The following GARNL3 variants were observed in gnomAD, a reference collection of about 807,000 sequenced individuals.
The protein encoded by GARNL3 is GTPase activating Rap/RanGAP domain like 3, also known as GTPase-activating Rap/Ran-GAP domain-like protein 3.
In GARNL3, 63 loss-of-function variants were observed where a neutral mutation model predicts 125.0. The ratio of observed to expected loss-of-function variants is 0.50; its 90% CI spans 0.41 to 0.62. The LOEUF is 0.62. Among genes scored for constraint, GARNL3 ranks in the 20% least tolerant of loss-of-function variants. The probability of loss-of-function intolerance (pLI) is 0.00; values close to 1 mark genes in which losing one functional copy is unlikely to be tolerated. For synonymous variants in GARNL3, 439 were observed against 457.5 expected (o/e 0.96, Z 0.52); for missense variants, 994 against 1,244.0 (o/e 0.80, Z 3.02).
chr9:127,337,689 G>A (rs1829628672), intron 11 of GARNL3, among the ~76,000 whole-genome samples: 1 of 152,202 alleles, frequency 6.6e-6, no homozygotes, highest in Admixed American at 6.5e-5. Context: ...AGGAGAGAAA[G>A]GGAAGGTATA....
At chr9:127,230,497 A>G (rs1163611903) in intron 1 of GARNL3, among the ~76,000 whole-genome samples, 2 of 152,058 alleles carry the variant, frequency 1.3e-5, no homozygotes, top group African/African-American at 4.8e-5. Context: ...TCTACTAAAA[A>G]TACAAAATTA....
upstream of GARNL3, among the ~76,000 whole-genome samples, chr9:127,261,678 G>T (rs2063595345): frequency 6.6e-6 from 1 of 152,162 alleles, no homozygotes. Context: ...CTCCCAAAGT[G>T]CTGGGATTAC....
At chr9:127,365,598 C>T (rs1380946332) in intron 22 of GARNL3, among the ~76,000 whole-genome samples, 1 of 152,158 alleles carries the variant, frequency 6.6e-6, no homozygotes, top group East Asian at 1.9e-4. Context: ...CTCCAGGATG[C>T]GCCAGTGATG....
In GARNL3 at chr9:127,383,458, G is replaced by C. The variant is rs769891379; in HGVS notation, c.2182G>C (p.Val728Leu). ...TGCAGACAGTTGCATCTATAAAAAG[G>C]TTTGCCCCTTTAATGGTGGCTCTTT... Reference protein sequence around the residue: ...CYNYSCIYKKVCPFNGGSFLV... With the variant: ...CYNYSCIYKKLCPFNGGSFLV... The change falls in exon 23 of 28, where the codon GTT becomes CTT. Residue 728 changes from valine (V) to leucine (L), a missense_variant. Transcript: ENST00000373387. 8.1e-6 allele frequency: 13 copies of C among 1,612,362 alleles called. No homozygotes were observed. Among genetic ancestry groups the C allele is most frequent in the Admixed American group, 3.3e-5 (2 of 59,822 alleles).
At chr9:127,248,366 G>C (rs537896127) in intron 2 of GARNL3, among the ~76,000 whole-genome samples, 2 of 152,266 alleles carry the variant, frequency 1.3e-5, no homozygotes, top group African/African-American at 2.4e-5. Flanking sequence ...AGGCGTGGGG[G>C]CCCATCTGTT....
At chr9:127,333,221 G>C (rs1037452472) in intron 9 of GARNL3, 100 bp downstream of exon 9, 7 of 890,120 alleles carry the variant, frequency 7.9e-6, no homozygotes, top group African/African-American at 1.7e-5. Context: ...GGAAGGGATG[G>C]ATGAGAGAAG....
At chr9:127,342,723 A>G (rs550551765) in intron 14 of GARNL3, among the ~76,000 whole-genome samples, 1 of 152,076 alleles carries the variant, frequency 6.6e-6, no homozygotes, top group Non-Finnish European at 1.5e-5. Context: ...GGATTTTTAG[A>G]AAGACATAGG....
chr9:127,227,545 G>A (rs963942336), intron 1 of GARNL3, among the ~76,000 whole-genome samples: 2 of 151,934 alleles, frequency 1.3e-5, no homozygotes, highest in Admixed American at 6.5e-5. Context: ...AGGTTGCAGT[G>A]AGCTGAGATT....
chr9:127,357,163 T>A (rs1830731987), intron 20 of GARNL3, 56 bp from the exon 21 acceptor site: 1 of 1,569,834 alleles, frequency 6.4e-7, no homozygotes, highest in East Asian at 2.2e-5. Context: ...GGGCTTGGCA[T>A]GGAGCTGGCT....
intron 1 of GARNL3, among the ~76,000 whole-genome samples, chr9:127,236,474 A>G (rs1489257610): frequency 6.6e-6 from 1 of 152,202 alleles, no homozygotes; most frequent in Non-Finnish European, 1.5e-5. Context: ...CTCTAGACCT[A>G]TTGTCTCTAG....
chr9:127,275,761 A>C (rs1264209243), intron 1 of GARNL3, among the ~76,000 whole-genome samples: 1 of 152,164 alleles, frequency 6.6e-6, no homozygotes, highest in African/African-American at 2.4e-5. Flanking sequence ...TAATATTTTT[A>C]TATTGAACTA....
chr9:127,374,766 G>A (rs531162336), intron 22 of GARNL3, among the ~76,000 whole-genome samples: 8 of 151,908 alleles, frequency 5.3e-5, no homozygotes, highest in Non-Finnish European at 1.2e-4. Context: ...AGCTATTAGG[G>A]CAATGCAAAT....
chr9:127,392,117 C>T lies in GARNL3; in HGVS notation c.2871-966C>T, dbSNP rs1272832893. ...GGTGATGTGTAAGGAGGGTTGCCAT[C>T]CAGCCCACACCTGGGGCAGGGAGGG... On this transcript the variant is annotated intron_variant, in intron 27 of 27. Coordinates refer to ENST00000373387, the MANE Select transcript of GARNL3 (RefSeq NM_032293.5). The surrounding 1 kb of genome is among the most constrained non-coding windows in gnomAD (Gnocchi z 5.2). Among the ~76,000 whole-genome samples the T allele has an allele frequency of 1.3e-5, 2 of 152,222 alleles. No individual in the cohort carries two copies. Among genetic ancestry groups the T allele is most frequent in the Non-Finnish European group, 2.9e-5 (2 of 68,040 alleles).
chr9:127,228,831 T>A (rs1030966164), intron 1 of GARNL3, among the ~76,000 whole-genome samples: 1 of 152,216 alleles, frequency 6.6e-6, no homozygotes, highest in African/African-American at 2.4e-5. Context: ...GTTGTTTGTT[T>A]GTTTGTTTTT....
chr9:127,289,606 C>G (rs867837246), intron 1 of GARNL3, among the ~76,000 whole-genome samples: 2 of 152,228 alleles, frequency 1.3e-5, no homozygotes, highest in African/African-American at 4.8e-5. Flanking sequence ...TGACCACCCA[C>G]GTGGCTGACC....
At chr9:127,279,234 A>G (rs1450682669) in intron 1 of GARNL3, among the ~76,000 whole-genome samples, 3 of 150,030 alleles carry the variant, frequency 2.0e-5, no homozygotes, top group Admixed American at 6.6e-5. Context: ...CATGTTTTCC[A>G]TAATTTATCT....
intron 1 of GARNL3, chr9:127,225,429 C>T: frequency 1.1e-6 from 1 of 947,472 alleles, no homozygotes; most frequent in Non-Finnish European, 1.3e-6. Flanking sequence ...AGGGGTGCGG[C>T]CGGGCGGGGT....
At chr9:127,241,504 TTGC>T (rs2063203707) in intron 1 of GARNL3, among the ~76,000 whole-genome samples, 2 of 151,884 alleles carry the variant, frequency 1.3e-5, no homozygotes, top group South Asian at 4.2e-4. Context: ...GTCTATCTAG[TTGC>T]TGCCAAGATA....
chr9:127,235,799 G>T (rs1312861913), intron 1 of GARNL3, among the ~76,000 whole-genome samples: 1 of 152,198 alleles, frequency 6.6e-6, no homozygotes, highest in East Asian at 1.9e-4. Context: ...AACAGTGAGG[G>T]TGAAAATCTC....
Sources: gnomAD v4.1 joint callset for allele counts (sites outside exome capture counted in the v4.1 genomes callset) on GRCh38, gnomAD v4.1.1 for gene constraint, Gnocchi (gnomAD v3.1) non-coding constraint, MANE v1.5 for transcripts, NCBI Gene and HGNC (gene_info 2026-07-23, HGNC 2026-07-21) for gene names.